SCN10A: variants seen among roughly 807,000 people sequenced by gnomAD.
SCN10A encodes sodium voltage-gated channel alpha subunit 10, also known as sodium channel protein type 10 subunit alpha.
SCN10A carries 162 observed loss-of-function variants against 170.7 expected under a neutral mutation model. That is an observed-to-expected ratio of 0.95 (90% CI 0.84 to 1.08). The LOEUF (loss-of-function observed/expected upper bound fraction) is 1.08. SCN10A is among the 50% of genes least tolerant of loss of function. The pLI is 0.00. For synonymous variants in SCN10A, 985 were observed against 904.6 expected, an observed-to-expected ratio of 1.09 and a Z score of -1.59; for missense variants, 2,527 against 2,436.9, an observed-to-expected ratio of 1.04 and a Z score of -0.78.
chr3:38,748,703 T>A (rs993343658), intron 13 of SCN10A, among the ~76,000 whole-genome samples: 6 of 152,108 alleles, frequency 3.9e-5, no homozygotes, highest in African/African-American at 1.4e-4. Flanking sequence ...ATCACCCAGC[T>A]CCTCTCTGCC....
At chr3:38,788,869 A>G in intron 4 of SCN10A, 87 bp downstream of exon 4, 1 of 801,904 alleles carries the variant, frequency 1.2e-6, no homozygotes, top group Admixed American at 1.8e-5. Flanking sequence ...GAGGCATGGC[A>G]GGATAAATAA....
At chr3:38,742,223 G>A in intron 14 of SCN10A, 68 bp downstream of exon 14, 3 of 1,049,732 alleles carry the variant, frequency 2.9e-6, no homozygotes, top group Non-Finnish European at 4.3e-6. Flanking sequence ...CACCCGAACT[G>A]CACCCTGCCA....
chr3:38,811,408 G>T (rs1309344582), intron 1 of SCN10A, among the ~76,000 whole-genome samples: 3 of 148,018 alleles, frequency 2.0e-5, no homozygotes, highest in African/African-American at 7.6e-5. Context: ...AGCCGATATT[G>T]TACCACTGCA....
chr3:38,761,392 A>G lies in SCN10A; in HGVS notation c.692-9T>C, dbSNP rs2063869849. 6.2e-7 allele frequency: 1 copy of G among 1,610,830 alleles called. No individual in the cohort carries two copies. The highest frequency in any genetic ancestry group is 8.5e-7 in the Non-Finnish European group (1 of 1,178,024). ...CACAATGACCTTCAGGCCTGCGGGA[A>G]GATGACAGTGGTATGACCACATGGA... On this transcript the variant is annotated splice_polypyrimidine_tract_variant and intron_variant, in intron 6 of 27. Transcript: ENST00000449082.
intron 6 of SCN10A, among the ~76,000 whole-genome samples, chr3:38,762,148 G>A (rs7430439): frequency 0.66 from 99,672 of 152,036 alleles, 33,750 homozygotes; most frequent in African/African-American, 0.84. Context: ...AAAGAGCTCT[G>A]ACCAGGGAAG....
intron 1 of SCN10A, among the ~76,000 whole-genome samples, chr3:38,813,675 C>T (rs1167407005): frequency 6.6e-6 from 1 of 152,164 alleles, no homozygotes; most frequent in Non-Finnish European, 1.5e-5. Flanking sequence ...GTTCATAAAA[C>T]ATGGCTCTAG....
rs1221293350 is a variant in SCN10A at position 38,728,542 on chromosome 3, C to A, written c.2640G>T (p.Val880=). The part of the protein sequence containing the change: ...FLTVMVLGNL[V]VLNLFIALLL... ...GCCCCCAGCAGGGTTCACCACTCAC[C>A]ACCAGGTTCCCTAGCACCATCACCG... Residue 880 remains valine (V), a splice_region_variant and synonymous_variant, in exon 16 of 28, where the codon GTG becomes GTT. Transcript: ENST00000449082. 6.3e-7 allele frequency: 1 copy of A among 1,575,992 alleles called. No individual in the cohort carries two copies. Among genetic ancestry groups the A allele is most frequent in the East Asian group, 2.2e-5 (1 of 44,448 alleles).
intron 6 of SCN10A, among the ~76,000 whole-genome samples, chr3:38,762,069 A>T (rs2063880701): frequency 6.6e-6 from 1 of 152,184 alleles, no homozygotes; most frequent in Non-Finnish European, 1.5e-5. Context: ...TGCTTGTTTA[A>T]GGAGGGATGA....
intron 25 of SCN10A, among the ~76,000 whole-genome samples, chr3:38,708,118 G>T (rs566036762): frequency 6.6e-6 from 1 of 152,300 alleles, no homozygotes; most frequent in East Asian, 1.9e-4. Context: ...TGCAAATGCT[G>T]GGAAACTGGG....
rs143975030 is a variant in SCN10A, at chr3:38,705,832, G to A, written c.4386+1447C>T. On this transcript the variant is annotated intron_variant, in intron 26 of 27. Coordinates refer to ENST00000449082, the MANE Select transcript of SCN10A (RefSeq NM_006514.4). ...ACTCCAGCCACAAGTAAAGGCCAGT[G>A]TGGACTCAGCTGCTTGCTTCTCAGT... Among the ~76,000 whole-genome samples, 661 of 152,324 alleles carry A rather than the reference G, an allele frequency of 4.3e-3. 7 individuals carry two copies. The highest frequency in any genetic ancestry group is 0.015 in the African/African-American group (618 of 41,554).
At chr3:38,810,114 A>T (rs2126066621) in intron 1 of SCN10A, among the ~76,000 whole-genome samples, 2 of 152,358 alleles carry the variant, frequency 1.3e-5, no homozygotes, top group South Asian at 4.1e-4. Context: ...GCCCCTGCTC[A>T]TAAAGCAACT....
intron 3 of SCN10A, among the ~76,000 whole-genome samples, chr3:38,790,091 T>G (rs73826357): frequency 0.11 from 16,103 of 152,146 alleles, 927 homozygotes; most frequent in South Asian, 0.19. Flanking sequence ...AACCACATTT[T>G]CCTGCTGACT....
chr3:38,735,120 A>G (rs2063546940), intron 15 of SCN10A, among the ~76,000 whole-genome samples: 1 of 148,704 alleles, frequency 6.7e-6, no homozygotes, highest in South Asian at 2.2e-4. Flanking sequence ...CAATGAGCCG[A>G]GATCACGCCA....
At chr3:38,780,140 CTA>C (rs1559461375) in intron 4 of SCN10A, among the ~76,000 whole-genome samples, 2 of 151,966 alleles carry the variant, frequency 1.3e-5, no homozygotes, top group Non-Finnish European at 2.9e-5. Context: ...TCCTCCTACT[CTA>C]ATAATTTCTG....
At position 38,803,797 on chromosome 3, in the gene SCN10A, T is replaced by TAA. The variant is rs935323254; in HGVS notation, c.-32-9757_-32-9756dup. On this transcript the variant is annotated intron_variant, in intron 1 of 27. Transcript: ENST00000449082. ...CATGTACCCTAGAACTTAAAGTATA[T>TAA]AAAAAAAACAAAACCTTTTAAATTA... Among the ~76,000 whole-genome samples, 5 of 151,572 alleles carry TAA rather than the reference T, an allele frequency of 3.3e-5. No individual in the cohort carries two copies. The East Asian group carries it at 7.7e-4, about 23-fold the overall frequency.
At chr3:38,809,870 T>C (rs552806648) in intron 1 of SCN10A, among the ~76,000 whole-genome samples, 70 of 152,132 alleles carry the variant, frequency 4.6e-4, no homozygotes, top group Non-Finnish European at 8.8e-4. Context: ...TTTTAAGTAA[T>C]AAAGATAAGT....
rs73826327 is a variant in SCN10A at position 38,763,639 on chromosome 3, C to G, written c.600-43G>C. 0.057 allele frequency: 81,613 copies of G among 1,420,820 alleles called. 3,432 individuals are homozygous for G. The highest frequency in any genetic ancestry group is 0.2 in the African/African-American group (14,122 of 71,350). 88.0% of individuals were successfully genotyped at this position (1,420,820 alleles called of 1,614,324 possible). A position where few individuals can be genotyped will look rare whatever the true frequency, so the allele number is the denominator to read the frequency against. Reference sequence around the variant, plus strand: ...AGTCAGCATCTCTGCAAGCAAGGGTCCTGGGGATGCATGCAGCATAAATAA... The same window carrying G: ...AGTCAGCATCTCTGCAAGCAAGGGTGCTGGGGATGCATGCAGCATAAATAA... On this transcript the variant is annotated intron_variant, in intron 5 of 27. Coordinates refer to ENST00000449082, the MANE Select transcript of SCN10A (RefSeq NM_006514.4).
chr3:38,796,708 G>A (rs951940283), intron 1 of SCN10A, among the ~76,000 whole-genome samples: 1 of 151,716 alleles, frequency 6.6e-6, no homozygotes, highest in Admixed American at 6.6e-5. Flanking sequence ...TCTTATTCTT[G>A]TACTCTTGGC....
rs780008142 is a variant in SCN10A, at chr3:38,739,577, TCA to T, written c.2216_2217del (p.Val739GlufsTer76). 11 of 1,614,136 alleles carry T rather than the reference TCA, an allele frequency of 6.8e-6. No individual in the cohort carries two copies. The highest frequency in any genetic ancestry group is 9.3e-6 in the Non-Finnish European group (11 of 1,180,004). ...TTGGCCACGCCCAGCTCTAGCAGAC[TCA>T]CAGTGACGATGATGCAGTCAAAGAT... ...WNIFDCIIVTVSLLELGVAKK... is the reference protein window; with the variant it reads ...WNIFDCIIVTXSLLELGVAKK... On this transcript the variant is annotated frameshift_variant, in exon 15 of 28. Transcript: ENST00000449082. LOFTEE classifies it high-confidence loss of function.
Sources: allele counts gnomAD v4.1 joint callset (sites outside exome capture counted in the v4.1 genomes callset), GRCh38; gene constraint gnomAD v4.1.1; transcripts MANE v1.5; gene names NCBI Gene and HGNC (gene_info 2026-07-23, HGNC 2026-07-21).